CNTNAP2: variants seen among roughly 807,000 people sequenced by gnomAD.
CNTNAP2 encodes contactin associated protein 2.
In CNTNAP2, 98 loss-of-function variants were observed where a neutral mutation model predicts 155.2. That is an observed-to-expected ratio of 0.63 (90% CI 0.54 to 0.75). CNTNAP2 has a LOEUF of 0.75. CNTNAP2 is among the 30% of genes least tolerant of loss of function. The probability of loss-of-function intolerance (pLI) is 0.00; values close to 1 mark genes in which losing one functional copy is unlikely to be tolerated. For synonymous variants in CNTNAP2, 651 were observed against 631.2 expected (o/e 1.03, Z -0.47); for missense variants, 1,727 against 1,688.1 (o/e 1.02, Z -0.40).
Position 147,778,924 on chromosome 7 carries a change from T to C in CNTNAP2, c.2099-124641T>C, listed in dbSNP as rs1797626693. Among the ~76,000 whole-genome samples the C allele has an allele frequency of 2.0e-5, 3 of 152,238 alleles. No individual in the cohort carries two copies. The South Asian group carries it at 6.2e-4, about 31-fold the overall frequency. The stretch of plus-strand genomic sequence containing the variant: ...CCATAGTTGACCTCTTATAGTACTC[T>C]ATGTGTGGAAGGGAGAAAACATTGG... On this transcript the variant is annotated intron_variant, in intron 13 of 23. Transcript: ENST00000361727.
At chr7:146,713,104 C>T (rs545782608) in intron 1 of CNTNAP2, among the ~76,000 whole-genome samples, 2 of 151,890 alleles carry the variant, frequency 1.3e-5, no homozygotes, top group African/African-American at 4.8e-5. Context: ...TCGCAGGACC[C>T]TAAATATAAC....
At chr7:146,539,349 G>T (rs1217856661) in intron 1 of CNTNAP2, among the ~76,000 whole-genome samples, 1 of 151,916 alleles carries the variant, frequency 6.6e-6, no homozygotes, top group African/African-American at 2.4e-5. Flanking sequence ...AAGCATTTTA[G>T]CCTCTCCATC....
Position 148,160,314 on chromosome 7 carries a change from G to A in CNTNAP2, c.2774-11928G>A, listed in dbSNP as rs577480181. On this transcript the variant is annotated intron_variant, in intron 17 of 23. Coordinates refer to ENST00000361727, the MANE Select transcript of CNTNAP2 (RefSeq NM_014141.6). The stretch of plus-strand genomic sequence containing the variant: ...ATAGTCTCAGCTACCCTGGAGCTGA[G>A]GCAGAAGGATGGCTTGAACCCAGGA... 2.6e-5 allele frequency among the ~76,000 whole-genome samples: 4 copies of A among 151,992 alleles called. No homozygotes were observed. The East Asian group carries it at 7.8e-4, about 29-fold the overall frequency.
intron 13 of CNTNAP2, among the ~76,000 whole-genome samples, chr7:147,808,603 T>A (rs1798129963): frequency 6.6e-6 from 1 of 152,240 alleles, no homozygotes; most frequent in Non-Finnish European, 1.5e-5. Context: ...CTGTAATTAA[T>A]TTCTTTGCCT....
chr7:147,010,767 A>C (rs1421740437), intron 3 of CNTNAP2, among the ~76,000 whole-genome samples: 1 of 152,186 alleles, frequency 6.6e-6, no homozygotes, highest in Non-Finnish European at 1.5e-5. Context: ...GGAAATCAAA[A>C]TATAGCAATC....
chr7:146,673,177 A>G (rs1480118670), intron 1 of CNTNAP2, among the ~76,000 whole-genome samples: 2 of 152,082 alleles, frequency 1.3e-5, no homozygotes, highest in Non-Finnish European at 2.9e-5. Flanking sequence ...TATAATTTTC[A>G]TTTCAGAATC....
intron 14 of CNTNAP2, among the ~76,000 whole-genome samples, chr7:147,943,412 T>G (rs779764479): frequency 6.6e-6 from 1 of 151,394 alleles, no homozygotes; most frequent in Non-Finnish European, 1.5e-5. Context: ...TTATGTGGTG[T>G]TGTTTTTATT....
intron 21 of CNTNAP2, among the ~76,000 whole-genome samples, chr7:148,351,685 G>A (rs560352994): frequency 6.7e-4 from 91 of 135,522 alleles, no homozygotes; most frequent in Non-Finnish European, 1.0e-3. Context: ...GGAGGTTGCA[G>A]TGAGCCGAGA....
intron 18 of CNTNAP2, among the ~76,000 whole-genome samples, chr7:148,189,682 G>A (rs1795173832): frequency 6.6e-6 from 1 of 152,258 alleles, no homozygotes; most frequent in Admixed American, 6.5e-5. Context: ...TCTGTTCATT[G>A]TAAATTATCT....
chr7:146,328,911 ATT>A (rs1801138443), intron 1 of CNTNAP2, among the ~76,000 whole-genome samples: 2 of 152,134 alleles, frequency 1.3e-5, no homozygotes, highest in Admixed American at 1.3e-4. Flanking sequence ...TCTATACCAC[ATT>A]TTCTTTACCA....
At chr7:146,887,970 A>G (rs1795700992) in intron 3 of CNTNAP2, among the ~76,000 whole-genome samples, 1 of 152,074 alleles carries the variant, frequency 6.6e-6, no homozygotes, top group Non-Finnish European at 1.5e-5. Context: ...TGTTTATGTT[A>G]TCTTTGATAA....
intron 1 of CNTNAP2, among the ~76,000 whole-genome samples, chr7:146,623,731 A>T (rs1349851067): frequency 6.6e-6 from 1 of 152,204 alleles, no homozygotes; most frequent in Non-Finnish European, 1.5e-5. Context: ...GTGTGTGTAC[A>T]TAAGTTTTCA....
chr7:146,279,373 T>G (rs1800212963), intron 1 of CNTNAP2, among the ~76,000 whole-genome samples: 1 of 151,788 alleles, frequency 6.6e-6, no homozygotes, highest in Non-Finnish European at 1.5e-5. Flanking sequence ...TTAGAAGAAA[T>G]TATTCATCTT....
At chr7:146,976,535 A>G (rs573336405) in intron 3 of CNTNAP2, among the ~76,000 whole-genome samples, 1 of 152,264 alleles carries the variant, frequency 6.6e-6, no homozygotes, top group South Asian at 2.1e-4. Context: ...TACATTTTCC[A>G]GTTTATTATG....
At chr7:147,219,598 G>A (rs1289595283) in intron 8 of CNTNAP2, among the ~76,000 whole-genome samples, 3 of 152,054 alleles carry the variant, frequency 2.0e-5, no homozygotes, top group Non-Finnish European at 4.4e-5. Context: ...ATTGAAGGTG[G>A]GTCTGCCTCT....
intron 10 of CNTNAP2, among the ~76,000 whole-genome samples, chr7:147,404,264 T>C (rs1159920104): frequency 6.6e-6 from 1 of 152,226 alleles, no homozygotes; most frequent in Non-Finnish European, 1.5e-5. Context: ...AAGAACAGGT[T>C]GGCTGAAGCT....
chr7:146,668,433 T>TGG (rs1800236693), intron 1 of CNTNAP2, among the ~76,000 whole-genome samples: 2 of 52,870 alleles, frequency 3.8e-5, no homozygotes, highest in Non-Finnish European at 1.1e-4. Context: ...TTTTCCTGTG[T>TGG]GTGTGTGTGT....
intron 13 of CNTNAP2, among the ~76,000 whole-genome samples, chr7:147,778,772 A>G (rs556015616): frequency 6.6e-6 from 1 of 152,294 alleles, no homozygotes; most frequent in East Asian, 1.9e-4. Context: ...TGGTCTCCCA[A>G]AGTGCTGGGA....
chr7:147,475,485 G>T (rs1390687808), intron 10 of CNTNAP2, among the ~76,000 whole-genome samples: 4 of 151,552 alleles, frequency 2.6e-5, no homozygotes, highest in Non-Finnish European at 5.9e-5. Context: ...GAACTGCCCT[G>T]TTCAAACCCT....
Sources: allele counts gnomAD v4.1 joint callset (sites outside exome capture counted in the v4.1 genomes callset), GRCh38; gene constraint gnomAD v4.1.1; transcripts MANE v1.5; gene names NCBI Gene and HGNC (gene_info 2026-07-23, HGNC 2026-07-21).